The following IGF1R variants were observed in gnomAD, a reference collection of about 807,000 sequenced individuals.
The protein encoded by IGF1R is insulin-like growth factor 1 receptor.
Under a neutral mutation model 144.6 loss-of-function variants are expected in IGF1R, and 44 were observed. The ratio of observed to expected loss-of-function variants is 0.30; its 90% CI spans 0.24 to 0.39. IGF1R has a LOEUF of 0.39. IGF1R is among the 10% of genes least tolerant of loss of function. IGF1R has a pLI of 1.00. For synonymous variants in IGF1R, 795 were observed against 722.8 expected (o/e 1.10, Z -1.60); for missense variants, 1,355 against 1,833.7 (o/e 0.74, Z 4.77).
chr15:98,796,446 C>G (rs1431662291), intron 2 of IGF1R, among the ~76,000 whole-genome samples: 1 of 152,188 alleles, frequency 6.6e-6, no homozygotes, highest in Admixed American at 6.5e-5. Context: ...TTCTGAGTCC[C>G]TGACCTGTGC....
intron 1 of IGF1R, among the ~76,000 whole-genome samples, chr15:98,667,671 C>T (rs528171293): frequency 6.6e-6 from 1 of 152,122 alleles, no homozygotes; most frequent in African/African-American, 2.4e-5. Flanking sequence ...TCGAGGTGGC[C>T]GAGCTTGTCT....
chr15:98,826,979 C>G (rs547774168), intron 2 of IGF1R, among the ~76,000 whole-genome samples: 15 of 152,220 alleles, frequency 9.9e-5, no homozygotes, highest in African/African-American at 2.9e-4. Flanking sequence ...CTTTTCATAT[C>G]CCACTAAACA....
intron 2 of IGF1R, among the ~76,000 whole-genome samples, chr15:98,733,488 G>GTTT (rs112182962): frequency 3.2e-4 from 48 of 147,990 alleles, no homozygotes; most frequent in African/African-American, 1.1e-3. Context: ...GGCTGAGAAG[G>GTTT]TTTTTTTTTT....
At chr15:98,898,140 A>C (rs2014297622) in intron 4 of IGF1R, among the ~76,000 whole-genome samples, 1 of 152,190 alleles carries the variant, frequency 6.6e-6, no homozygotes, top group African/African-American at 2.4e-5. Flanking sequence ...GTTCCCCACA[A>C]CTAGGGCTTG....
intron 2 of IGF1R, among the ~76,000 whole-genome samples, chr15:98,844,866 A>G (rs933556675): frequency 3.9e-5 from 6 of 152,166 alleles, no homozygotes; most frequent in South Asian, 4.2e-4. Context: ...CTAAATGCCA[A>G]TCTTTCCCTC....
At chr15:98,873,487 A>G (rs1360414279) in intron 2 of IGF1R, among the ~76,000 whole-genome samples, 1 of 152,246 alleles carries the variant, frequency 6.6e-6, no homozygotes, top group Non-Finnish European at 1.5e-5. Context: ...CGAAAAAACA[A>G]AACATTCTGC....
At chr15:98,748,712 A>G (rs1365080003) in intron 2 of IGF1R, among the ~76,000 whole-genome samples, 6 of 152,232 alleles carry the variant, frequency 3.9e-5, no homozygotes, top group African/African-American at 7.2e-5. Context: ...CAGCTTTCAG[A>G]GTATGTGAAC....
intron 2 of IGF1R, among the ~76,000 whole-genome samples, chr15:98,712,946 C>T (rs992840964): frequency 2.0e-5 from 3 of 149,474 alleles, no homozygotes; most frequent in African/African-American, 7.4e-5. Context: ...GCTCCCCTAC[C>T]TGAAATCCTG....
chr15:98,666,188 A>G lies in IGF1R; in HGVS notation c.94+16513A>G, dbSNP rs552590387. 2.6e-5 allele frequency among the ~76,000 whole-genome samples: 4 copies of G among 152,320 alleles called. No homozygotes were observed. The South Asian group carries it at 8.3e-4, about 32-fold the overall frequency. On this transcript the variant is annotated intron_variant, in intron 1 of 20. Transcript: ENST00000650285. The stretch of plus-strand genomic sequence containing the variant: ...CAATTGGTACTTCATACTCATTAGT[A>G]TGGCTATTACCAAAAACACCAGATG...
At chr15:98,914,772 T>TA (rs143255525) in intron 8 of IGF1R, among the ~76,000 whole-genome samples, 2,478 of 152,304 alleles carry the variant, frequency 0.016, 74 homozygotes, top group African/African-American at 0.057. Flanking sequence ...CCTCTGTCCT[T>TA]ACACGCAGCG....
At position 98,649,030 on chromosome 15, in the gene IGF1R, C is replaced by CAGG. The variant is rs139163109; in HGVS notation, c.-536_-534dup. 0.57 allele frequency: 120,099 copies of CAGG among 209,562 alleles called. 34,107 individuals carry two copies. The highest frequency in any genetic ancestry group is 0.7 in the African/African-American group (29,939 of 43,056). 13.0% of individuals were successfully genotyped at this position (209,562 alleles called of 1,614,324 possible). ...GGGAGGAGGCGGCGGCGAGCGGAGC[C>CAGG]AGGAGGAGGAGGAGGAGGGGGAGCC... is the stretch of plus-strand genomic sequence containing the variant. On this transcript the variant is annotated 5_prime_UTR_variant, in exon 1 of 21. Coordinates refer to ENST00000650285, the MANE Select transcript of IGF1R (RefSeq NM_000875.5).
intron 5 of IGF1R, among the ~76,000 whole-genome samples, chr15:98,904,086 T>A (rs2151663605): frequency 7.1e-6 from 1 of 140,270 alleles, no homozygotes; most frequent in South Asian, 2.3e-4. Context: ...GGAGTCTCAC[T>A]CTGTCACCCA....
chr15:98,917,022 G>C, intron 10 of IGF1R, 146 bp downstream of exon 10: 3 of 746,692 alleles, frequency 4.0e-6, no homozygotes, highest in Non-Finnish European at 7.0e-6. Context: ...AAGATGACAG[G>C]TTCGGTGAAG....
At chr15:98,742,940 G>A (rs895182217) in intron 2 of IGF1R, among the ~76,000 whole-genome samples, 1 of 152,186 alleles carries the variant, frequency 6.6e-6, no homozygotes, top group Admixed American at 6.5e-5. Flanking sequence ...GGGAGGCTGA[G>A]ACAGGAGAAT....
chr15:98,800,923 T>C (rs2056348715), intron 2 of IGF1R, among the ~76,000 whole-genome samples: 1 of 152,234 alleles, frequency 6.6e-6, no homozygotes, highest in Non-Finnish European at 1.5e-5. Context: ...TAAAGGATAT[T>C]GTTCATTTTT....
chr15:98,768,224 T>G (rs1217558314), intron 2 of IGF1R, among the ~76,000 whole-genome samples: 1 of 152,190 alleles, frequency 6.6e-6, no homozygotes, highest in African/African-American at 2.4e-5. Context: ...TTTTGTATCT[T>G]TGATTTTAGT....
chr15:98,711,234 G>A (rs563850662), intron 2 of IGF1R, among the ~76,000 whole-genome samples: 5 of 152,262 alleles, frequency 3.3e-5, no homozygotes, highest in East Asian at 3.9e-4. Context: ...GCATTAAGAT[G>A]GCCATTCGAA....
At chr15:98,840,245 G>A (rs958894244) in intron 2 of IGF1R, among the ~76,000 whole-genome samples, 1 of 152,184 alleles carries the variant, frequency 6.6e-6, no homozygotes, top group African/African-American at 2.4e-5. Context: ...TGATGTGAGA[G>A]CCTCGTGATG....
At chr15:98,874,921 G>T (rs1193554520) in intron 2 of IGF1R, among the ~76,000 whole-genome samples, 1 of 152,202 alleles carries the variant, frequency 6.6e-6, no homozygotes, top group Non-Finnish European at 1.5e-5. Flanking sequence ...TGCAGAGCCT[G>T]GCTCGTGCTG....
Sources: gnomAD v4.1 joint callset for allele counts (sites outside exome capture counted in the v4.1 genomes callset) on GRCh38, gnomAD v4.1.1 for gene constraint, MANE v1.5 for transcripts, NCBI Gene and HGNC (gene_info 2026-07-23, HGNC 2026-07-21) for gene names.